Variants in CDK14 observed in about 807,000 individuals in gnomAD.
CDK14 encodes cyclin-dependent kinase 14.
CDK14 carries 34 observed loss-of-function variants against 60.7 expected under a neutral mutation model. The ratio of observed to expected loss-of-function variants is 0.56; its 90% CI spans 0.43 to 0.75. CDK14 has a LOEUF of 0.75. CDK14 is among the 30% of genes least tolerant of loss of function. The probability of loss-of-function intolerance (pLI) is 0.00; values close to 1 mark genes in which losing one functional copy is unlikely to be tolerated. For synonymous variants in CDK14, 197 were observed against 203.7 expected (o/e 0.97, Z 0.28); for missense variants, 482 against 564.1 (o/e 0.85, Z 1.47).
At chr7:90,868,230 T>C (rs1056488806) in intron 6 of CDK14, among the ~76,000 whole-genome samples, 4 of 151,582 alleles carry the variant, frequency 2.6e-5, no homozygotes, top group African/African-American at 9.7e-5. Context: ...CTCCACAAGT[T>C]TCCTTGTGTC....
At chr7:91,015,134 A>C (rs1274844012) in intron 10 of CDK14, among the ~76,000 whole-genome samples, 4 of 152,138 alleles carry the variant, frequency 2.6e-5, no homozygotes, top group African/African-American at 9.7e-5. Context: ...CTTTATATGA[A>C]GTCCAGATAC....
chr7:91,057,465 C>T (rs913259375), intron 11 of CDK14, among the ~76,000 whole-genome samples: 1 of 151,966 alleles, frequency 6.6e-6, no homozygotes, highest in African/African-American at 2.4e-5. Flanking sequence ...GTGTTTTAGA[C>T]ATGAAGTCCT....
At chr7:91,176,408 G>C (rs141779646) in intron 14 of CDK14, among the ~76,000 whole-genome samples, 9,340 of 152,116 alleles carry the variant, frequency 0.061, 845 homozygotes, top group East Asian at 0.48. Context: ...AACTAGAAAA[G>C]CAAGAGCAAA....
chr7:90,941,341 C>T (rs1049663354), intron 8 of CDK14, among the ~76,000 whole-genome samples: 5 of 152,190 alleles, frequency 3.3e-5, no homozygotes, highest in African/African-American at 1.2e-4. Flanking sequence ...AAAACGTGAG[C>T]ATCTGCTGTA....
intron 12 of CDK14, among the ~76,000 whole-genome samples, chr7:91,091,607 T>G (rs1035159569): frequency 6.8e-6 from 1 of 147,758 alleles, no homozygotes; most frequent in Non-Finnish European, 1.5e-5. Flanking sequence ...ATGCAGAGGT[T>G]GCAGTGAGCC....
intron 14 of CDK14, among the ~76,000 whole-genome samples, chr7:91,190,115 T>C (rs1802313111): frequency 6.6e-6 from 1 of 152,336 alleles, no homozygotes; most frequent in African/African-American, 2.4e-5. Context: ...GTTTTGTGCT[T>C]GCTGGATATA....
At chr7:90,974,761 A>T (rs1188372559) in intron 9 of CDK14, among the ~76,000 whole-genome samples, 1 of 152,298 alleles carries the variant, frequency 6.6e-6, no homozygotes, top group East Asian at 1.9e-4. Flanking sequence ...CATCAAATGC[A>T]GATTTTTTTA....
chr7:91,039,270 G>A (rs1797018114), intron 10 of CDK14, among the ~76,000 whole-genome samples: 1 of 151,932 alleles, frequency 6.6e-6, no homozygotes, highest in Non-Finnish European at 1.5e-5. Flanking sequence ...TTGTCTCTTT[G>A]TCTCTCTCTC....
intron 11 of CDK14, among the ~76,000 whole-genome samples, chr7:91,063,709 T>C (rs1293513196): frequency 6.6e-6 from 1 of 152,252 alleles, no homozygotes; most frequent in African/African-American, 2.4e-5. Flanking sequence ...TTGTGGATTT[T>C]ATTCATTTGA....
chr7:90,747,521 A>G (rs1001707054), intron 3 of CDK14, among the ~76,000 whole-genome samples, 160 bp from the exon 4 acceptor site: 2 of 152,158 alleles, frequency 1.3e-5, no homozygotes, highest in Non-Finnish European at 2.9e-5. Flanking sequence ...TTAGTTTTGT[A>G]TCCTGTTTAT....
chr7:91,156,885 TG>T (rs1379191395), intron 14 of CDK14, among the ~76,000 whole-genome samples: 2 of 152,180 alleles, frequency 1.3e-5, no homozygotes, highest in African/African-American at 4.8e-5. Flanking sequence ...AAGGAAATGT[TG>T]GGGGTTTGAA....
At chr7:91,052,258 C>T (rs1797413943) in intron 11 of CDK14, among the ~76,000 whole-genome samples, 1 of 152,148 alleles carries the variant, frequency 6.6e-6, no homozygotes, top group African/African-American at 2.4e-5. Context: ...AAAGAACTTC[C>T]CTAACATTAG....
intron 6 of CDK14, among the ~76,000 whole-genome samples, chr7:90,887,926 G>A (rs1792000830): frequency 6.6e-6 from 1 of 151,896 alleles, no homozygotes; most frequent in Admixed American, 6.6e-5. Context: ...TATACATTTT[G>A]TAATACTTCA....
rs1166455222 is a variant in CDK14 at position 90,954,743 on chromosome 7, G to A, written c.827-954G>A. ...GGGTTCACGCCATTCTCCTGCCTCAGCCTCCCAAGTAGCTGGGACTACAGG... is the reference window on the plus strand; with the variant it reads ...GGGTTCACGCCATTCTCCTGCCTCAACCTCCCAAGTAGCTGGGACTACAGG... On this transcript the variant is annotated intron_variant, in intron 8 of 14. Coordinates refer to ENST00000380050, the MANE Select transcript of CDK14 (RefSeq NM_001287135.2). Among the ~76,000 whole-genome samples the A allele has an allele frequency of 3.6e-4, 5 of 13,954 alleles. 2 individuals carry two copies. The highest frequency in any genetic ancestry group is 7.0e-4 in the African/African-American group (5 of 7,142). 9.2% of individuals were successfully genotyped at this position (13,954 alleles called of 152,430 possible). A position where few individuals can be genotyped will look rare whatever the true frequency, so the allele number is the denominator to read the frequency against.
intron 14 of CDK14, among the ~76,000 whole-genome samples, chr7:91,140,825 C>T (rs770979214): frequency 3.3e-5 from 5 of 152,072 alleles, no homozygotes; most frequent in Non-Finnish European, 7.4e-5. Context: ...TTCCAAATTT[C>T]ATGAAGTCTG....
chr7:91,166,115 G>A (rs1200914117), intron 14 of CDK14, among the ~76,000 whole-genome samples: 1 of 152,206 alleles, frequency 6.6e-6, no homozygotes, highest in Admixed American at 6.5e-5. Flanking sequence ...TAGTAAGGAG[G>A]CAACGTGTTA....
intron 8 of CDK14, among the ~76,000 whole-genome samples, chr7:90,943,225 T>A (rs1793987639): frequency 6.6e-6 from 1 of 152,140 alleles, no homozygotes; most frequent in South Asian, 2.1e-4. Context: ...AATTGTACAT[T>A]TTACATAAGA....
chr7:91,150,288 T>A (rs536263209), intron 14 of CDK14, among the ~76,000 whole-genome samples: 11 of 152,356 alleles, frequency 7.2e-5, no homozygotes, highest in Admixed American at 4.6e-4. Context: ...AAAATATGTC[T>A]TTAAAATGTA....
At chr7:90,973,703 G>A (rs969234112) in intron 9 of CDK14, among the ~76,000 whole-genome samples, 10 of 144,330 alleles carry the variant, frequency 6.9e-5, no homozygotes, top group East Asian at 2.1e-4. Flanking sequence ...CTGTGATGGC[G>A]ACCTCGAGCC....
Sources: gnomAD v4.1 joint callset for allele counts (sites outside exome capture counted in the v4.1 genomes callset) on GRCh38, gnomAD v4.1.1 for gene constraint, MANE v1.5 for transcripts, NCBI Gene and HGNC (gene_info 2026-07-23, HGNC 2026-07-21) for gene names.